The following AGTPBP1 variants were observed in gnomAD, a reference collection of about 807,000 sequenced individuals.
The protein encoded by AGTPBP1 is ATP/GTP binding carboxypeptidase 1.
AGTPBP1 carries 70 observed loss-of-function variants against 143.9 expected under a neutral mutation model. That is an observed-to-expected ratio of 0.49 (90% CI 0.40 to 0.59). AGTPBP1 has a LOEUF of 0.59. Ranked by LOEUF, AGTPBP1 falls within the 20% of genes least tolerant of loss-of-function variation. AGTPBP1 has a pLI of 0.00. For missense variants in AGTPBP1, 1,229 were observed against 1,464.5 expected (o/e 0.84, Z 2.62); for synonymous variants, 463 against 500.2 (o/e 0.93, Z 0.99).
At chr9:85,744,809 G>A (rs1367115455), upstream of AGTPBP1, among the ~76,000 whole-genome samples, 1 of 152,154 alleles carries the variant, frequency 6.6e-6, no homozygotes, top group Non-Finnish European at 1.5e-5. Flanking sequence ...CTTCTCTGGG[G>A]ACCCTTTGCT....
At chr9:85,746,620 T>G (rs1178178501), upstream of AGTPBP1, among the ~76,000 whole-genome samples, 2 of 151,870 alleles carry the variant, frequency 1.3e-5, no homozygotes, top group African/African-American at 4.8e-5. Flanking sequence ...CAGAGCAAGA[T>G]TCTGCCTCTA....
intron 17 of AGTPBP1, among the ~76,000 whole-genome samples, chr9:85,607,980 C>A (rs1398596566): frequency 6.6e-6 from 1 of 152,086 alleles, no homozygotes; most frequent in Non-Finnish European, 1.5e-5. Context: ...CTGCCATTAT[C>A]CTCCAGTCTC....
At chr9:85,618,793 T>C (rs1165400288) in intron 17 of AGTPBP1, among the ~76,000 whole-genome samples, 190 bp downstream of exon 17, 1 of 152,220 alleles carries the variant, frequency 6.6e-6, no homozygotes, top group Non-Finnish European at 1.5e-5. Context: ...CTTGCCTATA[T>C]AAGAGTAACT....
chr9:85,585,640 G>A, intron 22 of AGTPBP1, 46 bp from the exon 23 acceptor site: 2 of 1,473,266 alleles, frequency 1.4e-6, no homozygotes. Flanking sequence ...AAGTTCATAT[G>A]TTGCTAAGTA....
the AGTPBP1 span, among the ~76,000 whole-genome samples, chr9:85,771,985 C>CTTTTT: frequency 6.0e-5 from 8 of 132,330 alleles, no homozygotes; most frequent in African/African-American, 1.7e-4. Context: ...TTATGCTGTT[C>CTTTTT]TTTTTTTTTT....
rs1174723458 is a variant in AGTPBP1 at position 85,619,304 on chromosome 9, A to G, written c.2100-3T>C. 1 of 1,600,206 alleles carries G rather than the reference A, an allele frequency of 6.2e-7. No homozygotes were observed. The highest frequency in any genetic ancestry group is 8.5e-7 in the Non-Finnish European group (1 of 1,172,424). On this transcript the variant is annotated splice_polypyrimidine_tract_variant and splice_region_variant and intron_variant, in intron 15 of 25. Coordinates refer to ENST00000357081, the MANE Select transcript of AGTPBP1 (RefSeq NM_001330701.2). ...CTCCCTCTTCTGGAATGGTGTAACT[A>G]AATAAAAGTTTTAAAGTAAATGTAT...
chr9:85,722,008 T>C (rs1442513821), intron 1 of AGTPBP1, among the ~76,000 whole-genome samples: 1 of 152,202 alleles, frequency 6.6e-6, no homozygotes, highest in African/African-American at 2.4e-5. Context: ...CCCACTCTCT[T>C]CTGGCTTGTA....
At chr9:85,651,943 G>C (rs1833187458) in intron 11 of AGTPBP1, among the ~76,000 whole-genome samples, 1 of 152,130 alleles carries the variant, frequency 6.6e-6, no homozygotes, top group South Asian at 2.1e-4. Context: ...CCAGGTTCCT[G>C]GCACACAGCT....
chr9:85,694,003 C>T (rs1238055890), intron 2 of AGTPBP1, among the ~76,000 whole-genome samples: 1 of 152,130 alleles, frequency 6.6e-6, no homozygotes, highest in Non-Finnish European at 1.5e-5. Context: ...AATGAGGTGG[C>T]CAGTGTGGCT....
chr9:85,591,200 G>T (rs1280271073), intron 19 of AGTPBP1, among the ~76,000 whole-genome samples: 1 of 151,306 alleles, frequency 6.6e-6, no homozygotes, highest in African/African-American at 2.4e-5. Flanking sequence ...AAAAGGGGGG[G>T]AGTACTAGAA....
chr9:85,604,969 T>C (rs1418887293), intron 17 of AGTPBP1, among the ~76,000 whole-genome samples: 1 of 152,082 alleles, frequency 6.6e-6, no homozygotes, highest in Non-Finnish European at 1.5e-5. Context: ...AAATGAAGTA[T>C]GCCTACAATA....
At chr9:85,573,955 C>A (rs983410900) in intron 25 of AGTPBP1, among the ~76,000 whole-genome samples, 3 of 152,240 alleles carry the variant, frequency 2.0e-5, no homozygotes, top group Admixed American at 6.5e-5. Context: ...CGGCCACCAC[C>A]CCGTCTGGGA....
At chr9:85,643,154 G>A in intron 12 of AGTPBP1, 1 of 520,952 alleles carries the variant, frequency 1.9e-6, no homozygotes, top group Non-Finnish European at 3.4e-6. Context: ...TTTTGTTTTT[G>A]TCATGGTTAC....
In AGTPBP1 at chr9:85,689,925, A is replaced by AAAAAAATAT. The variant is rs58719163; in HGVS notation, c.157+2763_157+2764insATATTTTTT. ...AAAAAAAAAAAAAAAAAAAAAAAAA[A>AAAAAAATAT]ATATATATATATATATATATATCTT... On this transcript the variant is annotated intron_variant, in intron 3 of 25. Transcript: ENST00000357081. Among the ~76,000 whole-genome samples the AAAAAAATAT allele has an allele frequency of 7.3e-4, 53 of 72,478 alleles. 1 individual carries two copies. The highest frequency in any genetic ancestry group is 2.5e-3 in the African/African-American group (36 of 14,506). 47.5% of individuals were successfully genotyped at this position (72,478 alleles called of 152,430 possible).
In AGTPBP1 at chr9:85,731,133, C is replaced by G. The variant is rs371334040; in HGVS notation, c.-34+10642G>C. Reference sequence around the variant, plus strand: ...AACTTTTTTAAATTAGGAAGTGATACTAATCATGCATAGCCAGGGTCAAGA... The same window carrying G: ...AACTTTTTTAAATTAGGAAGTGATAGTAATCATGCATAGCCAGGGTCAAGA... On this transcript the variant is annotated intron_variant, in intron 1 of 25. Transcript: ENST00000357081. Among the ~76,000 whole-genome samples the G allele has an allele frequency of 1.3e-3, 198 of 152,286 alleles. 5 individuals carry two copies. The South Asian group carries it at 0.04, about 30-fold the overall frequency.
intron 11 of AGTPBP1, 44 bp downstream of exon 11, chr9:85,655,099 A>G: frequency 1.4e-6 from 2 of 1,478,944 alleles, no homozygotes; most frequent in Non-Finnish European, 1.8e-6. Context: ...GGGTCACATA[A>G]TTCTAAGAAC....
In AGTPBP1 at chr9:85,679,240, A is replaced by G. The variant is rs1378526332; in HGVS notation, c.226-842T>C. On this transcript the variant is annotated intron_variant, in intron 4 of 25. Coordinates refer to ENST00000357081, the MANE Select transcript of AGTPBP1 (RefSeq NM_001330701.2). ...TCTCCAAGTTTGGACAACTAATCTAATAAGTGAAAATGTTTAAACACTGTA... is the reference window on the plus strand; with the variant it reads ...TCTCCAAGTTTGGACAACTAATCTAGTAAGTGAAAATGTTTAAACACTGTA... 5.3e-5 allele frequency among the ~76,000 whole-genome samples: 8 copies of G among 152,310 alleles called. No homozygotes were observed. In the South Asian group the frequency reaches 1.2e-3, roughly 24 times the overall value.
chr9:85,619,407 A>G, intron 15 of AGTPBP1, 106 bp from the exon 16 acceptor site: 1 of 726,238 alleles, frequency 1.4e-6, no homozygotes, highest in Non-Finnish European at 2.2e-6. Flanking sequence ...CTGCCATATC[A>G]CCTTCCTCAT....
chr9:85,769,295 ATGGG>A, the AGTPBP1 span, among the ~76,000 whole-genome samples: 7 of 152,182 alleles, frequency 4.6e-5, no homozygotes, highest in Non-Finnish European at 1.0e-4. Flanking sequence ...CACGATAGGT[ATGGG>A]TATACGGAAA....
Sources: gnomAD v4.1 joint callset for allele counts (sites outside exome capture counted in the v4.1 genomes callset) on GRCh38, gnomAD v4.1.1 for gene constraint, MANE v1.5 for transcripts, NCBI Gene and HGNC (gene_info 2026-07-23, HGNC 2026-07-21) for gene names.